The following DLG2 variants were observed in gnomAD, a reference collection of about 807,000 sequenced individuals.
DLG2 encodes discs large MAGUK scaffold protein 2.
In DLG2, 45 loss-of-function variants were observed where a neutral mutation model predicts 132.5. That is an observed-to-expected ratio of 0.34 (90% CI 0.27 to 0.44). DLG2 has a LOEUF of 0.44. DLG2 is among the 20% of genes least tolerant of loss of function. The pLI is 1.00. For synonymous variants in DLG2, 424 were observed against 419.6 expected, an observed-to-expected ratio of 1.01 and a Z score of -0.13; for missense variants, 1,045 against 1,196.9, an observed-to-expected ratio of 0.87 and a Z score of 1.87.
chr11:84,320,877 A>G (rs1243942494), intron 7 of DLG2, among the ~76,000 whole-genome samples: 1 of 152,184 alleles, frequency 6.6e-6, no homozygotes, highest in East Asian at 1.9e-4. Flanking sequence ...ATTAATTACA[A>G]GTCTAAATTA....
chr11:84,923,630 T>C, intron 6 of DLG2: 1 of 980,730 alleles, frequency 1.0e-6, no homozygotes, highest in Non-Finnish European at 1.2e-6. Context: ...TAATATGAGC[T>C]CTGCACTATA....
chr11:85,495,490 C>T (rs572024726), intron 3 of DLG2, among the ~76,000 whole-genome samples: 1 of 152,270 alleles, frequency 6.6e-6, no homozygotes, highest in Admixed American at 6.5e-5. Context: ...ATAGACACTT[C>T]TCAAAGGAAG....
At chr11:84,137,392 C>T (rs1033208325) in intron 9 of DLG2, among the ~76,000 whole-genome samples, 3 of 151,956 alleles carry the variant, frequency 2.0e-5, no homozygotes, top group Non-Finnish European at 2.9e-5. Flanking sequence ...AATGAGGTTT[C>T]GGCAATGCTG....
At chr11:83,861,554 C>A (rs968686027) in intron 16 of DLG2, among the ~76,000 whole-genome samples, 1 of 152,176 alleles carries the variant, frequency 6.6e-6, no homozygotes, top group Middle Eastern at 3.4e-3. Flanking sequence ...GAATGAGAAT[C>A]CAGTCATTTT....
chr11:84,616,235 T>C (rs964451887), intron 6 of DLG2, among the ~76,000 whole-genome samples: 12 of 152,040 alleles, frequency 7.9e-5, no homozygotes, highest in African/African-American at 2.9e-4. Context: ...GTTGACAAAA[T>C]CTGGTCTTTG....
At chr11:83,777,700 A>G (rs1165234580) in intron 18 of DLG2, among the ~76,000 whole-genome samples, 1 of 152,172 alleles carries the variant, frequency 6.6e-6, no homozygotes, top group Non-Finnish European at 1.5e-5. Context: ...TTCAAATCCC[A>G]TGGTACACAG....
At chr11:85,246,724 G>A (rs1006114150) in intron 4 of DLG2, among the ~76,000 whole-genome samples, 2 of 151,974 alleles carry the variant, frequency 1.3e-5, no homozygotes, top group African/African-American at 2.4e-5. Context: ...CATAACAACT[G>A]CATAATTATC....
intron 26 of DLG2, 68 bp from the exon 27 acceptor site, chr11:83,462,161 T>C: frequency 1.7e-5 from 18 of 1,044,612 alleles, no homozygotes; most frequent in South Asian, 1.3e-4. Context: ...TTAAAATGTA[T>C]GGCAAAAATA....
At chr11:84,368,053 A>G (rs2098691301) in intron 7 of DLG2, among the ~76,000 whole-genome samples, 1 of 152,154 alleles carries the variant, frequency 6.6e-6, no homozygotes, top group Admixed American at 6.6e-5. Context: ...TTTACTTTCT[A>G]TATCTAAGAT....
chr11:84,709,307 T>C (rs2060119394), intron 6 of DLG2, among the ~76,000 whole-genome samples: 2 of 151,586 alleles, frequency 1.3e-5, no homozygotes, highest in South Asian at 4.2e-4. Context: ...TCCTGAGTCT[T>C]GGGTATGAAC....
intron 6 of DLG2, among the ~76,000 whole-genome samples, chr11:84,563,551 G>A (rs2099436534): frequency 6.6e-6 from 1 of 152,180 alleles, no homozygotes; most frequent in Admixed American, 6.6e-5. Flanking sequence ...GCCAAAATGT[G>A]TCAGAGCACA....
chr11:84,614,585 T>C (rs185783010), intron 6 of DLG2, among the ~76,000 whole-genome samples: 1 of 152,328 alleles, frequency 6.6e-6, no homozygotes, highest in East Asian at 1.9e-4. Flanking sequence ...AAGTGAACTG[T>C]AGTCAGGGAG....
intron 5 of DLG2, among the ~76,000 whole-genome samples, chr11:85,120,586 A>T (rs945928082): frequency 1.3e-5 from 2 of 152,060 alleles, no homozygotes; most frequent in African/African-American, 4.8e-5. Context: ...AACTCTATTT[A>T]AAAACAAATA....
intron 19 of DLG2, among the ~76,000 whole-genome samples, chr11:83,619,787 G>T (rs996592004): frequency 6.6e-6 from 1 of 151,992 alleles, no homozygotes; most frequent in African/African-American, 2.4e-5. Context: ...AGGCCTTTTA[G>T]GTGGAGAAAC....
intron 6 of DLG2, among the ~76,000 whole-genome samples, chr11:84,818,222 GTC>G (rs1261150738): frequency 1.3e-5 from 2 of 151,954 alleles, no homozygotes; most frequent in East Asian, 3.9e-4. Flanking sequence ...AGGAAATTCT[GTC>G]TCTATTTATT....
intron 3 of DLG2, among the ~76,000 whole-genome samples, chr11:85,450,910 C>T (rs768239688): frequency 2.0e-5 from 3 of 152,100 alleles, no homozygotes; most frequent in Admixed American, 6.6e-5. Flanking sequence ...TATTTCTAAA[C>T]ATTGAAACCA....
intron 19 of DLG2, among the ~76,000 whole-genome samples, chr11:83,571,747 A>T (rs1176964566): frequency 6.6e-6 from 1 of 152,196 alleles, no homozygotes; most frequent in African/African-American, 2.4e-5. Flanking sequence ...TTCTAAATGG[A>T]AAGCTGATTA....
chr11:84,829,081 A>G (rs2078694751), intron 6 of DLG2, among the ~76,000 whole-genome samples: 1 of 151,718 alleles, frequency 6.6e-6, no homozygotes, highest in Admixed American at 6.6e-5. Context: ...AGACATTTTT[A>G]TATAAGCCTG....
chr11:84,327,332 C>T (rs909034688), intron 7 of DLG2, among the ~76,000 whole-genome samples: 1 of 152,016 alleles, frequency 6.6e-6, no homozygotes, highest in Non-Finnish European at 1.5e-5. Context: ...ATCCACCCGC[C>T]TTGGCCTCCC....
Sources: allele counts gnomAD v4.1 joint callset (sites outside exome capture counted in the v4.1 genomes callset), GRCh38; gene constraint gnomAD v4.1.1; transcripts MANE v1.5; gene names NCBI Gene and HGNC (gene_info 2026-07-23, HGNC 2026-07-21).